Variants in CSMD3 observed in about 807,000 individuals in gnomAD.
CSMD3 encodes the protein CUB and sushi domain-containing protein 3.
Under a neutral mutation model 435.2 loss-of-function variants are expected in CSMD3, and 177 were observed. The observed-to-expected ratio is 0.41, with a 90% CI of 0.36 to 0.46. CSMD3 has a LOEUF of 0.46. Ranked by LOEUF, CSMD3 falls within the 20% of genes least tolerant of loss-of-function variation. The pLI is 0.34. For missense variants in CSMD3, 4,265 were observed against 4,504.6 expected (o/e 0.95, Z 1.52); for synonymous variants, 1,656 against 1,520.5 (o/e 1.09, Z -2.07).
chr8:112,715,683 C>T (rs898985489), intron 13 of CSMD3, among the ~76,000 whole-genome samples: 5 of 152,174 alleles, frequency 3.3e-5, no homozygotes, highest in Non-Finnish European at 5.9e-5. Context: ...CAATAAAATA[C>T]TGACAAACTG....
intron 27 of CSMD3, among the ~76,000 whole-genome samples, chr8:112,547,873 A>C (rs549714971): frequency 2.0e-5 from 3 of 152,194 alleles, no homozygotes; most frequent in Non-Finnish European, 4.4e-5. Flanking sequence ...AATATGTTTA[A>C]TACCTGGTTC....
chr8:113,405,218 A>G (rs1270263385), intron 1 of CSMD3, among the ~76,000 whole-genome samples: 1 of 151,628 alleles, frequency 6.6e-6, no homozygotes, highest in African/African-American at 2.4e-5. Flanking sequence ...AGGCTAAATT[A>G]TATGCTTCTG....
chr8:113,349,649 T>C (rs910183564), intron 1 of CSMD3, among the ~76,000 whole-genome samples: 3 of 152,050 alleles, frequency 2.0e-5, no homozygotes, highest in African/African-American at 4.8e-5. Context: ...AATCCTTATA[T>C]ATCTATATTA....
intron 1 of CSMD3, among the ~76,000 whole-genome samples, chr8:113,429,858 G>A (rs1381272626): frequency 1.3e-5 from 2 of 151,998 alleles, no homozygotes; most frequent in Non-Finnish European, 1.5e-5. Context: ...TGGCATTTGC[G>A]CTTATTGTAA....
At chr8:112,500,141 A>G (rs563040430) in intron 30 of CSMD3, among the ~76,000 whole-genome samples, 4 of 152,280 alleles carry the variant, frequency 2.6e-5, no homozygotes, top group African/African-American at 9.6e-5. Context: ...TTATCTCAAG[A>G]AATGAGAAAA....
chr8:112,835,456 G>T (rs1380274331), intron 11 of CSMD3, among the ~76,000 whole-genome samples: 4 of 151,728 alleles, frequency 2.6e-5, no homozygotes, highest in Non-Finnish European at 5.9e-5. Flanking sequence ...AGTCTATGTT[G>T]TGTACACCTA....
intron 6 of CSMD3, among the ~76,000 whole-genome samples, chr8:112,992,955 C>G (rs1380497990): frequency 1.3e-5 from 2 of 151,424 alleles, no homozygotes; most frequent in Non-Finnish European, 3.0e-5. Context: ...AAGATCATCC[C>G]AAAGATGAAA....
At chr8:112,840,469 C>T (rs911351837) in intron 11 of CSMD3, among the ~76,000 whole-genome samples, 25 of 151,644 alleles carry the variant, frequency 1.6e-4, no homozygotes, top group Non-Finnish European at 3.4e-4. Flanking sequence ...TCAATGGGTA[C>T]CAAGTTGAAG....
At chr8:113,381,521 C>A (rs1458560558) in intron 1 of CSMD3, among the ~76,000 whole-genome samples, 5 of 151,028 alleles carry the variant, frequency 3.3e-5, no homozygotes, top group Admixed American at 6.6e-5. Context: ...TAGAATAAAT[C>A]TACCTCTTTT....
chr8:113,356,702 C>T (rs1055173458), intron 1 of CSMD3, among the ~76,000 whole-genome samples: 9 of 152,010 alleles, frequency 5.9e-5, no homozygotes, highest in Non-Finnish European at 8.8e-5. Flanking sequence ...AAGGGTACTA[C>T]GTTTTATTCT....
chr8:112,872,329 A>G (rs907095537), intron 10 of CSMD3, among the ~76,000 whole-genome samples: 1 of 152,068 alleles, frequency 6.6e-6, no homozygotes, highest in Non-Finnish European at 1.5e-5. Flanking sequence ...TGGGAGTCTA[A>G]TCCATGTCTG....
chr8:112,878,654 T>C (rs954398997), intron 10 of CSMD3, among the ~76,000 whole-genome samples: 79 of 152,224 alleles, frequency 5.2e-4, no homozygotes, highest in African/African-American at 1.9e-3. Flanking sequence ...CAGCAAAGAC[T>C]TGGAACCAAT....
intron 4 of CSMD3, among the ~76,000 whole-genome samples, chr8:113,100,939 G>A (rs533565021): frequency 2.6e-4 from 40 of 152,066 alleles, no homozygotes; most frequent in African/African-American, 8.4e-4. Context: ...TGGAGAAGTC[G>A]GTCTCCTTCC....
intron 3 of CSMD3, among the ~76,000 whole-genome samples, chr8:113,244,927 C>T (rs2093260247): frequency 1.3e-5 from 2 of 151,906 alleles, no homozygotes; most frequent in African/African-American, 2.4e-5. Flanking sequence ...TTATATTGTT[C>T]CTGTTACCTT....
intron 4 of CSMD3, among the ~76,000 whole-genome samples, chr8:113,138,993 GAA>G (rs1206875734): frequency 2.0e-5 from 3 of 150,708 alleles, no homozygotes; most frequent in Non-Finnish European, 3.0e-5. Context: ...AGAGAAAAAG[GAA>G]AAGACCTAAG....
chr8:113,075,350 C>A (rs1588021133), intron 5 of CSMD3, among the ~76,000 whole-genome samples: 1 of 151,740 alleles, frequency 6.6e-6, no homozygotes, highest in African/African-American at 2.4e-5. Flanking sequence ...AAGCATTAAT[C>A]ATATTAAATG....
chr8:112,650,039 G>A, intron 19 of CSMD3, 122 bp downstream of exon 19: 1 of 741,760 alleles, frequency 1.3e-6, no homozygotes, highest in South Asian at 1.7e-5. Flanking sequence ...AAATTTGCCA[G>A]AAATCAAAAG....
At chr8:113,355,795 T>G (rs11993184) in intron 1 of CSMD3, among the ~76,000 whole-genome samples, 24,904 of 117,608 alleles carry the variant, frequency 0.21, 3,616 homozygotes, top group African/African-American at 0.32. Flanking sequence ...GTGTGTGTGT[T>G]TGTCAACTAT....
intron 36 of CSMD3, among the ~76,000 whole-genome samples, chr8:112,385,107 G>T (rs1829816420): frequency 6.6e-6 from 1 of 152,052 alleles, no homozygotes; most frequent in South Asian, 2.1e-4. Flanking sequence ...TACATGAAAA[G>T]TTCGAGAAAG....
Sources: gnomAD v4.1 joint callset for allele counts (sites outside exome capture counted in the v4.1 genomes callset) on GRCh38, gnomAD v4.1.1 for gene constraint, MANE v1.5 for transcripts, NCBI Gene and HGNC (gene_info 2026-07-23, HGNC 2026-07-21) for gene names.